The following CDC42BPA variants were observed in gnomAD, a reference collection of about 807,000 sequenced individuals.
The protein encoded by CDC42BPA is serine/threonine-protein kinase MRCK alpha.
In CDC42BPA, 80 loss-of-function variants were observed where a neutral mutation model predicts 223.5. The observed-to-expected ratio is 0.36, with a 90% CI of 0.30 to 0.43. The LOEUF is 0.43. CDC42BPA is among the 20% of genes least tolerant of loss of function. CDC42BPA has a pLI of 1.00. For synonymous variants in CDC42BPA, 694 were observed against 718.6 expected, an observed-to-expected ratio of 0.97 and a Z score of 0.55; for missense variants, 1,743 against 2,099.9, an observed-to-expected ratio of 0.83 and a Z score of 3.32.
rs560934681 is a variant in CDC42BPA at position 227,023,655 on chromosome 1, A to G, written c.4531-308T>C. ...ATGACCCAACAGTTATACTAAGCAGATATCAACACAGCTGATTTATGAATT... is the reference window on the plus strand; with the variant it reads ...ATGACCCAACAGTTATACTAAGCAGGTATCAACACAGCTGATTTATGAATT... On this transcript the variant is annotated intron_variant, in intron 31 of 36. Transcript: ENST00000366766. 1.1e-4 allele frequency among the ~76,000 whole-genome samples: 17 copies of G among 152,350 alleles called. No individual in the cohort carries two copies. The South Asian group carries it at 3.5e-3, about 32-fold the overall frequency.
At chr1:227,272,809 T>TG (rs1431198894) in intron 1 of CDC42BPA, among the ~76,000 whole-genome samples, 4 of 152,242 alleles carry the variant, frequency 2.6e-5, no homozygotes, top group African/African-American at 9.6e-5. Context: ...ATAATTATTT[T>TG]TTTAATGAAG....
intron 1 of CDC42BPA, among the ~76,000 whole-genome samples, chr1:227,304,268 T>TACTCA (rs1692173993): frequency 6.6e-6 from 1 of 152,100 alleles, no homozygotes; most frequent in Admixed American, 6.5e-5. Flanking sequence ...CAGCCAGGCA[T>TACTCA]AGTAGCACAT....
At position 227,023,825 on chromosome 1, in the gene CDC42BPA, G is replaced by A. The variant is rs772191091; in HGVS notation, c.4531-478C>T. Among the ~76,000 whole-genome samples, 64 of 152,064 alleles carry A rather than the reference G, an allele frequency of 4.2e-4. 1 individual carries two copies. Among genetic ancestry groups the A allele is most frequent in the East Asian group, 1.9e-4 (1 of 5,196 alleles). On this transcript the variant is annotated intron_variant, in intron 31 of 36. Coordinates refer to ENST00000366766, the MANE Select transcript of CDC42BPA (RefSeq NM_001394014.1). ...TTCCAGTTGGATTAAAAACATAAAC[G>A]TAATAGGCTAAGCTTTACAATGTTT...
intron 16 of CDC42BPA, among the ~76,000 whole-genome samples, chr1:227,084,527 CAAA>C (rs577067399): frequency 3.3e-5 from 3 of 91,054 alleles, no homozygotes. Flanking sequence ...GACTTCATCT[CAAA>C]AAAAAAAAAA....
chr1:227,071,211 C>G (rs1431683119), intron 20 of CDC42BPA, among the ~76,000 whole-genome samples: 1 of 151,820 alleles, frequency 6.6e-6, no homozygotes, highest in Non-Finnish European at 1.5e-5. Flanking sequence ...ACTCTCTGTT[C>G]TCTATCATTT....
chr1:227,020,739 A>G (rs1023195547), intron 32 of CDC42BPA, among the ~76,000 whole-genome samples: 2 of 152,218 alleles, frequency 1.3e-5, no homozygotes, highest in African/African-American at 4.8e-5. Flanking sequence ...CTGTAACAGC[A>G]CTTTATTTCT....
At chr1:227,088,290 T>A (rs1248519916) in intron 16 of CDC42BPA, among the ~76,000 whole-genome samples, 2 of 152,220 alleles carry the variant, frequency 1.3e-5, no homozygotes, top group African/African-American at 4.8e-5. Context: ...AAAGATGACC[T>A]GCACATAGTA....
chr1:227,303,335 C>T (rs987988880), intron 1 of CDC42BPA, among the ~76,000 whole-genome samples: 1 of 152,172 alleles, frequency 6.6e-6, no homozygotes, highest in Non-Finnish European at 1.5e-5. Flanking sequence ...AATCTCCTGT[C>T]CTAATCCCAG....
chr1:227,179,427 G>C (rs140161357), intron 5 of CDC42BPA, among the ~76,000 whole-genome samples: 7,719 of 151,776 alleles, frequency 0.051, 211 homozygotes, highest in Non-Finnish European at 0.068. Context: ...ACAAGGTCAG[G>C]AGATTGAGAC....
chr1:227,090,311 TAGTG>T (rs1682838328), intron 16 of CDC42BPA, among the ~76,000 whole-genome samples: 1 of 152,122 alleles, frequency 6.6e-6, no homozygotes, highest in African/African-American at 2.4e-5. Context: ...ATGGGGAAAA[TAGTG>T]AGAAATACAG....
At chr1:227,112,454 CG>C (rs1558523156) in intron 13 of CDC42BPA, 32 bp from the exon 14 acceptor site, 5 of 1,462,236 alleles carry the variant, frequency 3.4e-6, no homozygotes, top group Non-Finnish European at 4.6e-6. Flanking sequence ...GCAGATTTCA[CG>C]GTTATAATTT....
At chr1:227,148,772 C>CAAAAAAGAAAAA (rs1187846598) in intron 6 of CDC42BPA, among the ~76,000 whole-genome samples, 2 of 78,784 alleles carry the variant, frequency 2.5e-5, no homozygotes, top group Non-Finnish European at 4.3e-5. Flanking sequence ...GTCTCAAAAG[C>CAAAAAAGAAAAA]AAAAAAAAAA....
intron 1 of CDC42BPA, among the ~76,000 whole-genome samples, chr1:227,304,658 C>T (rs1306027546): frequency 6.6e-6 from 1 of 152,178 alleles, no homozygotes; most frequent in African/African-American, 2.4e-5. Context: ...CAAATGTCTC[C>T]TATGGGGTGC....
At chr1:227,085,652 C>A (rs770487188) in intron 16 of CDC42BPA, among the ~76,000 whole-genome samples, 3 of 152,198 alleles carry the variant, frequency 2.0e-5, no homozygotes, top group Non-Finnish European at 4.4e-5. Context: ...GTCTGTAATA[C>A]CCCATTTAAT....
chr1:227,004,903 A>T (rs1558260240), intron 35 of CDC42BPA, 91 bp downstream of exon 35: 1 of 875,300 alleles, frequency 1.1e-6, no homozygotes, highest in Admixed American at 1.7e-5. Context: ...GGGCACACGT[A>T]AGTGAAGGAC....
intron 18 of CDC42BPA, 47 bp from the exon 19 acceptor site, chr1:227,074,059 T>C: frequency 6.4e-7 from 1 of 1,570,904 alleles, no homozygotes; most frequent in Non-Finnish European, 8.7e-7. Flanking sequence ...TTTTTAACAT[T>C]TAAATTATTA....
chr1:227,255,291 T>C (rs1467376609), intron 1 of CDC42BPA, among the ~76,000 whole-genome samples: 1 of 152,194 alleles, frequency 6.6e-6, no homozygotes, highest in East Asian at 1.9e-4. Flanking sequence ...CAAAGATACA[T>C]ATTTGAGCAT....
At chr1:227,049,693 G>GA (rs1673141518) in intron 22 of CDC42BPA, among the ~76,000 whole-genome samples, 2 of 152,166 alleles carry the variant, frequency 1.3e-5, no homozygotes, top group African/African-American at 4.8e-5. Context: ...GCCAATGCAG[G>GA]AAAAACCAAA....
chr1:227,184,285 A>C (rs1393354953), intron 5 of CDC42BPA, among the ~76,000 whole-genome samples: 2 of 152,074 alleles, frequency 1.3e-5, no homozygotes, highest in Non-Finnish European at 2.9e-5. Context: ...AATGTTCTCC[A>C]ATATTTTCTT....
Sources: gnomAD v4.1 joint callset for allele counts (sites outside exome capture counted in the v4.1 genomes callset) on GRCh38, gnomAD v4.1.1 for gene constraint, MANE v1.5 for transcripts, NCBI Gene and HGNC (gene_info 2026-07-23, HGNC 2026-07-21) for gene names.